Variants in C8B observed in about 807,000 individuals in gnomAD.
The protein encoded by C8B is complement component C8 beta chain.
A neutral mutation model predicts 64.6 loss-of-function variants in C8B; 67 were observed. The ratio of observed to expected loss-of-function variants is 1.04; its 90% CI spans 0.85 to 1.27. The LOEUF is 1.27. Among genes scored for constraint, C8B ranks in the 50% most tolerant of loss-of-function variants. The probability of loss-of-function intolerance (pLI) is 0.00; values close to 1 mark genes in which losing one functional copy is unlikely to be tolerated. For missense variants in C8B, 790 were observed against 725.2 expected (o/e 1.09, Z -1.03); for synonymous variants, 284 against 257.7 (o/e 1.10, Z -0.98).
intron 9 of C8B, among the ~76,000 whole-genome samples, chr1:56,939,182 A>C (rs1404652059): frequency 6.6e-6 from 1 of 152,246 alleles, no homozygotes; most frequent in Non-Finnish European, 1.5e-5. Flanking sequence ...AAAAGAGATA[A>C]AGGCTAGGGA....
At chr1:56,957,099 G>A (rs1356217459) in intron 2 of C8B, among the ~76,000 whole-genome samples, 189 bp from the exon 3 acceptor site, 2 of 152,044 alleles carry the variant, frequency 1.3e-5, no homozygotes, top group African/African-American at 4.8e-5. Flanking sequence ...GTTGTGATTT[G>A]CTGTTTGCTG....
At chr1:56,936,192 A>G (rs1644772204) in intron 9 of C8B, among the ~76,000 whole-genome samples, 1 of 152,226 alleles carries the variant, frequency 6.6e-6, no homozygotes. Context: ...TTGGATGAAA[A>G]GCTATAAGCA....
chr1:56,959,983 C>G, intron 2 of C8B, 37 bp downstream of exon 2: 1 of 1,613,544 alleles, frequency 6.2e-7, no homozygotes. Context: ...ACAAAGGCTC[C>G]TGGAAGCTTA....
At chr1:56,956,987 G>T in intron 2 of C8B, 77 bp from the exon 3 acceptor site, 2 of 1,547,252 alleles carry the variant, frequency 1.3e-6, no homozygotes, top group Admixed American at 1.7e-5. Flanking sequence ...TGTGTAAATG[G>T]GTCTTGAGCC....
At chr1:56,936,790 A>G (rs1000091286) in intron 9 of C8B, among the ~76,000 whole-genome samples, 4 of 151,824 alleles carry the variant, frequency 2.6e-5, no homozygotes, top group African/African-American at 9.7e-5. Flanking sequence ...GATGGTTTTC[A>G]CCATGTTGGC....
At chr1:56,948,069 C>A (rs1248812770) in intron 6 of C8B, among the ~76,000 whole-genome samples, 2 of 152,226 alleles carry the variant, frequency 1.3e-5, no homozygotes, top group African/African-American at 2.4e-5. Context: ...GATCCCTAGT[C>A]TATCTCTAGG....
intron 8 of C8B, among the ~76,000 whole-genome samples, chr1:56,943,064 A>T (rs2101396035): frequency 6.6e-6 from 1 of 151,738 alleles, no homozygotes; most frequent in East Asian, 1.9e-4. Flanking sequence ...CCAGAGTAAG[A>T]CTCTGTCTCA....
intron 4 of C8B, among the ~76,000 whole-genome samples, chr1:56,953,877 T>C (rs1409229444): frequency 6.6e-6 from 1 of 152,180 alleles, no homozygotes; most frequent in Non-Finnish European, 1.5e-5. Flanking sequence ...TTTCCTTATC[T>C]GCAAGGTGGG....
At chr1:56,944,459 C>A (rs991958614) in intron 7 of C8B, among the ~76,000 whole-genome samples, 1 of 152,146 alleles carries the variant, frequency 6.6e-6, no homozygotes. Context: ...CTTTGACCAC[C>A]AGGGCTGTCT....
At chr1:56,954,228 C>G (rs549511021) in intron 4 of C8B, among the ~76,000 whole-genome samples, 1 of 152,298 alleles carries the variant, frequency 6.6e-6, no homozygotes, top group East Asian at 1.9e-4. Context: ...GGAAATCCAT[C>G]CCTTCACTGT....
chr1:56,960,806 G>A (rs553637795), intron 1 of C8B, among the ~76,000 whole-genome samples: 13 of 152,076 alleles, frequency 8.5e-5, no homozygotes, highest in Non-Finnish European at 1.2e-4. Context: ...GTGTGTGGGC[G>A]GTGGGAAACA....
chr1:56,965,811 C>T lies in C8B; in HGVS notation c.92+46G>A, dbSNP rs747219955. 1.9e-6 allele frequency: 3 copies of T among 1,604,814 alleles called. No individual in the cohort carries two copies. The Admixed American group carries it at 5.0e-5, about 27-fold the overall frequency. ...GGTCAGCATCATGTGGCTGCACCTTCCCTGTCATATTATTGATCAGGGAAT... is the reference window on the plus strand; with the variant it reads ...GGTCAGCATCATGTGGCTGCACCTTTCCTGTCATATTATTGATCAGGGAAT... On this transcript the variant is annotated intron_variant, in intron 1 of 11. Coordinates refer to ENST00000371237, the MANE Select transcript of C8B (RefSeq NM_000066.4).
intron 5 of C8B, among the ~76,000 whole-genome samples, chr1:56,950,173 T>C (rs1486621006): frequency 6.6e-6 from 1 of 152,176 alleles, no homozygotes; most frequent in Non-Finnish European, 1.5e-5. Context: ...AAAATAGGCT[T>C]TTGAATTACT....
chr1:56,943,537 G>A (rs183923146), intron 8 of C8B, among the ~76,000 whole-genome samples, 159 bp downstream of exon 8: 109 of 152,288 alleles, frequency 7.2e-4, no homozygotes, highest in Non-Finnish European at 9.8e-4. Flanking sequence ...GTTAGTTAGC[G>A]ATATGTTAGA....
At chr1:56,958,955 T>C (rs1185430076) in intron 2 of C8B, among the ~76,000 whole-genome samples, 1 of 152,218 alleles carries the variant, frequency 6.6e-6, no homozygotes. Context: ...GCATATCTAT[T>C]GTTCTCAGAA....
intron 7 of C8B, 24 bp downstream of exon 7, chr1:56,945,797 G>A (rs762440140): frequency 6.2e-7 from 1 of 1,614,022 alleles, no homozygotes; most frequent in Admixed American, 1.7e-5. Context: ...TTTTAGGAAA[G>A]CCATGGTCCC....
chr1:56,949,755 A>G lies in C8B; in HGVS notation c.667-3T>C. ...ATGAATTCGTATTTGCCTTGGGTCT[A>G]AAGAAGAAAAAAGAAAGGGTTTTTT... On this transcript the variant is annotated splice_polypyrimidine_tract_variant and splice_region_variant and intron_variant, in intron 5 of 11. Coordinates refer to ENST00000371237, the MANE Select transcript of C8B (RefSeq NM_000066.4). The G allele has an allele frequency of 1.2e-6, 2 of 1,600,102 alleles. No homozygotes were observed. Among genetic ancestry groups the G allele is most frequent in the Non-Finnish European group, 1.7e-6 (2 of 1,169,548 alleles).
At chr1:56,959,873 C>T in intron 2 of C8B, 147 bp downstream of exon 2, 2 of 914,854 alleles carry the variant, frequency 2.2e-6, no homozygotes, top group Non-Finnish European at 3.5e-6. Flanking sequence ...TGCTTGGAAG[C>T]ACAGAAGGAA....
chr1:56,952,046 A>T lies in C8B; in HGVS notation c.666+2T>A. 1 of 1,613,910 alleles carries T rather than the reference A, an allele frequency of 6.2e-7. No homozygotes were observed. Among genetic ancestry groups the T allele is most frequent in the Middle Eastern group, 1.7e-4 (1 of 5,906 alleles). ...CTCCACTGCTACCTGGCTGTCTCTT[A>T]CCTGTGGCGTGTAGCTTTCCACATT... On this transcript the variant is annotated splice_donor_variant, in intron 5 of 11. Transcript: ENST00000371237. LOFTEE classifies it high-confidence loss of function.
Sources: allele counts gnomAD v4.1 joint callset (sites outside exome capture counted in the v4.1 genomes callset), GRCh38; gene constraint gnomAD v4.1.1; transcripts MANE v1.5; gene names NCBI Gene and HGNC (gene_info 2026-07-23, HGNC 2026-07-21).